The following ASIC2 variants were observed in gnomAD, a reference collection of about 807,000 sequenced individuals.
ASIC2 encodes the protein acid-sensing ion channel 2.
In ASIC2, 25 loss-of-function variants were observed where a neutral mutation model predicts 57.3. The ratio of observed to expected loss-of-function variants is 0.44; its 90% CI spans 0.32 to 0.61. ASIC2 has a LOEUF of 0.61. ASIC2 is among the 20% of genes least tolerant of loss of function. The pLI, the probability that ASIC2 is intolerant of heterozygous loss-of-function variation, is 0.06. For synonymous variants in ASIC2, 319 were observed against 307.5 expected (o/e 1.04, Z -0.39); for missense variants, 641 against 738.1 (o/e 0.87, Z 1.52).
chr17:34,127,872 C>T (rs986719758), intron 1 of ASIC2, among the ~76,000 whole-genome samples: 2 of 152,168 alleles, frequency 1.3e-5, no homozygotes, highest in African/African-American at 4.8e-5. Context: ...GCCAACCTGG[C>T]TTTCTCTATG....
At position 33,861,899 on chromosome 17, in the gene ASIC2, A is replaced by C. The variant is rs564454194; in HGVS notation, c.555+294079T>G. Among the ~76,000 whole-genome samples the C allele has an allele frequency of 7.0e-4, 106 of 152,338 alleles. 1 individual carries two copies. The highest frequency in any genetic ancestry group is 2.5e-3 in the African/African-American group (105 of 41,582). ...AGCAATGGCAAAAGCAACTGGGAGC[A>C]GGTGGGAGACCGTGGCAAATACAAA... On this transcript the variant is annotated intron_variant, in intron 1 of 9. Transcript: ENST00000359872.
intron 1 of ASIC2, among the ~76,000 whole-genome samples, chr17:33,287,609 G>T (rs947070799): frequency 1.3e-5 from 2 of 152,216 alleles, no homozygotes; most frequent in African/African-American, 4.8e-5. Flanking sequence ...ATTAACTCTT[G>T]CACAGCTGCA....
intron 1 of ASIC2, among the ~76,000 whole-genome samples, chr17:34,089,538 GAACTCC>G: frequency 6.6e-6 from 1 of 152,266 alleles, no homozygotes; most frequent in South Asian, 2.1e-4. Context: ...GCAATCCTGT[GAACTCC>G]AACTCCACTT....
intron 1 of ASIC2, among the ~76,000 whole-genome samples, chr17:33,620,144 A>G (rs1236769375): frequency 1.3e-5 from 2 of 152,040 alleles, no homozygotes; most frequent in Non-Finnish European, 2.9e-5. Context: ...AAAAAATGTA[A>G]AAGTGCAGTA....
chr17:33,211,545 A>G (rs980921195), intron 1 of ASIC2, among the ~76,000 whole-genome samples: 7 of 152,062 alleles, frequency 4.6e-5, no homozygotes, highest in African/African-American at 1.7e-4. Context: ...TGAAAAAAAA[A>G]AAAAAAAATC....
At chr17:34,065,010 C>T (rs996601882) in intron 1 of ASIC2, among the ~76,000 whole-genome samples, 4 of 152,200 alleles carry the variant, frequency 2.6e-5, no homozygotes, top group African/African-American at 7.2e-5. Flanking sequence ...ACCATTGGAT[C>T]CAGCAATCCC....
At chr17:33,325,365 G>A (rs1419278433) in intron 1 of ASIC2, among the ~76,000 whole-genome samples, 1 of 152,186 alleles carries the variant, frequency 6.6e-6, no homozygotes, top group East Asian at 1.9e-4. Flanking sequence ...GTACCTGCAG[G>A]CTGAACAGAA....
intron 3 of ASIC2, among the ~76,000 whole-genome samples, chr17:33,054,965 C>T (rs2091992256): frequency 6.6e-6 from 1 of 152,178 alleles, no homozygotes; most frequent in Non-Finnish European, 1.5e-5. Context: ...CACCATTGGC[C>T]ACATGGCCTT....
chr17:33,267,798 T>G (rs1020379787), intron 1 of ASIC2, among the ~76,000 whole-genome samples: 1 of 151,370 alleles, frequency 6.6e-6, no homozygotes, highest in African/African-American at 2.4e-5. Context: ...GAGTGTGGGG[T>G]GAGTAGCACA....
intron 1 of ASIC2, among the ~76,000 whole-genome samples, chr17:33,307,166 C>T (rs1367033941): frequency 6.6e-6 from 1 of 152,154 alleles, no homozygotes; most frequent in Non-Finnish European, 1.5e-5. Context: ...CACATTTTTA[C>T]AACACTATGA....
intron 1 of ASIC2, among the ~76,000 whole-genome samples, chr17:33,752,003 T>C (rs1910450615): frequency 6.6e-6 from 1 of 152,126 alleles, no homozygotes; most frequent in Non-Finnish European, 1.5e-5. Context: ...GTTAAAGATG[T>C]CCTTCTGTTA....
chr17:33,117,443 T>G (rs1183821417), intron 1 of ASIC2, among the ~76,000 whole-genome samples: 1 of 152,216 alleles, frequency 6.6e-6, no homozygotes, highest in African/African-American at 2.4e-5. Context: ...CCCAAAGTGC[T>G]GGGATTACAG....
chr17:33,649,040 G>A (rs141697257), intron 1 of ASIC2, among the ~76,000 whole-genome samples: 116 of 152,230 alleles, frequency 7.6e-4, no homozygotes, highest in African/African-American at 2.7e-3. Context: ...ATTCAACATC[G>A]TTCTGTAAGT....
intron 1 of ASIC2, among the ~76,000 whole-genome samples, chr17:33,150,245 A>G (rs1278985415): frequency 2.0e-5 from 3 of 152,214 alleles, no homozygotes; most frequent in Admixed American, 6.5e-5. Flanking sequence ...AGAAGTGATG[A>G]CAATTGAAGA....
In ASIC2 at chr17:33,014,080, G is replaced by A. The variant is rs2091793494; in HGVS notation, c.1591-14C>T. On this transcript the variant is annotated splice_polypyrimidine_tract_variant and intron_variant, in intron 9 of 9. Transcript: ENST00000225823. Reference sequence around the variant, plus strand: ...GTCACAAGTACTCTGGAAGGGAAGGGTTGGTGGGAGTTTATTATTCGCTCA... The same window carrying A: ...GTCACAAGTACTCTGGAAGGGAAGGATTGGTGGGAGTTTATTATTCGCTCA... 2 of 1,564,348 alleles carry A rather than the reference G, an allele frequency of 1.3e-6. No individual in the cohort carries two copies. The highest frequency in any genetic ancestry group is 2.3e-5 in the East Asian group (1 of 42,946).
chr17:33,866,351 C>T, intron 1 of ASIC2, among the ~76,000 whole-genome samples: 1 of 152,130 alleles, frequency 6.6e-6, no homozygotes, highest in East Asian at 1.9e-4. Context: ...ATGTCAAATT[C>T]ATCGTGTGCT....
chr17:33,910,873 TG>T (rs767494829), intron 1 of ASIC2, among the ~76,000 whole-genome samples: 50 of 152,214 alleles, frequency 3.3e-4, no homozygotes, highest in Admixed American at 7.8e-4. Flanking sequence ...TCTAGAAGGA[TG>T]GGGGAGCTTG....
chr17:34,153,038 C>T (rs943995866), intron 1 of ASIC2, among the ~76,000 whole-genome samples: 1 of 152,228 alleles, frequency 6.6e-6, no homozygotes, highest in Non-Finnish European at 1.5e-5. Flanking sequence ...CCACACCTGG[C>T]TTCCCTGGGA....
chr17:33,806,427 T>C (rs1346841241), intron 1 of ASIC2, among the ~76,000 whole-genome samples: 1 of 152,246 alleles, frequency 6.6e-6, no homozygotes, highest in East Asian at 1.9e-4. Context: ...CATGCAAAGA[T>C]AAGCAGCAGG....
Sources: allele counts gnomAD v4.1 joint callset (sites outside exome capture counted in the v4.1 genomes callset), GRCh38; gene constraint gnomAD v4.1.1; transcripts MANE v1.5; gene names NCBI Gene and HGNC (gene_info 2026-07-23, HGNC 2026-07-21).